Variants in ANO10 observed in about 807,000 individuals in gnomAD.
ANO10 encodes anoctamin-10.
Under a neutral mutation model 74.7 loss-of-function variants are expected in ANO10, and 77 were observed. The observed-to-expected ratio is 1.03, with a 90% confidence interval of 0.86 to 1.25. The LOEUF is 1.25. ANO10 is among the 50% of genes most tolerant of loss of function. The pLI is 0.00. For missense variants in ANO10, 721 were observed against 778.1 expected, an observed-to-expected ratio of 0.93 and a Z score of 0.87; for synonymous variants, 279 against 284.9, an observed-to-expected ratio of 0.98 and a Z score of 0.21.
intron 12 of ANO10, among the ~76,000 whole-genome samples, chr3:43,383,115 A>T (rs1230096062): frequency 6.6e-6 from 1 of 152,154 alleles, no homozygotes; most frequent in African/African-American, 2.4e-5. Context: ...AGATGCAAAA[A>T]TCCTCAACAA....
intron 11 of ANO10, among the ~76,000 whole-genome samples, chr3:43,434,758 G>A (rs1240564813): frequency 6.6e-6 from 1 of 152,206 alleles, no homozygotes; most frequent in Non-Finnish European, 1.5e-5. Flanking sequence ...AACAGAACAA[G>A]TAGGTAACAG....
intron 1 of ANO10, chr3:43,636,621 C>G (rs1190931359): frequency 6.6e-6 from 1 of 152,210 alleles, no homozygotes; most frequent in East Asian, 1.9e-4. Flanking sequence ...ACTTGTGTCT[C>G]ATTAACAGAC....
At chr3:43,671,356 G>A (rs1283263204) in intron 1 of ANO10, among the ~76,000 whole-genome samples, 4 of 152,042 alleles carry the variant, frequency 2.6e-5, no homozygotes, top group African/African-American at 7.3e-5. Flanking sequence ...TAAGCACACC[G>A]ACAAAAATAT....
Position 43,366,839 on chromosome 3 carries a change from T to A in ANO10, c.*67A>T. On this transcript the variant is annotated 3_prime_UTR_variant, in exon 13 of 13. Transcript: ENST00000292246. ...ACGATGCTGCCCCGGGTACCCCCCCTGCCACCGTGGCAGGTGTGGCACAGA... is the reference window on the plus strand; with the variant it reads ...ACGATGCTGCCCCGGGTACCCCCCCAGCCACCGTGGCAGGTGTGGCACAGA... 1 of 1,488,716 alleles carries A rather than the reference T, an allele frequency of 6.7e-7. No individual in the cohort carries two copies. Among genetic ancestry groups the A allele is most frequent in the Non-Finnish European group, 9.2e-7 (1 of 1,090,724 alleles). 92.2% of individuals were successfully genotyped at this position (1,488,716 alleles called of 1,614,324 possible).
At chr3:43,543,257 C>T (rs917286000) in intron 11 of ANO10, among the ~76,000 whole-genome samples, 1 of 152,152 alleles carries the variant, frequency 6.6e-6, no homozygotes, top group Non-Finnish European at 1.5e-5. Flanking sequence ...CTGTATAATG[C>T]TTGCAACTTT....
At chr3:43,606,596 T>G (rs79345354) in intron 1 of ANO10, among the ~76,000 whole-genome samples, 1 of 151,270 alleles carries the variant, frequency 6.6e-6, no homozygotes, top group Admixed American at 6.6e-5. Flanking sequence ...GAGGAAAGGA[T>G]AGCTCGGGGT....
At chr3:43,372,483 G>A (rs1207878052) in intron 12 of ANO10, among the ~76,000 whole-genome samples, 3 of 152,074 alleles carry the variant, frequency 2.0e-5, no homozygotes, top group Non-Finnish European at 2.9e-5. Flanking sequence ...CTGCTGCCCC[G>A]CAATCCAACC....
intron 11 of ANO10, among the ~76,000 whole-genome samples, chr3:43,498,936 G>A (rs1408446890): frequency 6.6e-6 from 1 of 152,144 alleles, no homozygotes; most frequent in Non-Finnish European, 1.5e-5. Context: ...TCTGCAATGC[G>A]ACAGTCTTGA....
intron 11 of ANO10, among the ~76,000 whole-genome samples, chr3:43,521,509 T>G (rs1252327446): frequency 6.6e-6 from 1 of 152,110 alleles, no homozygotes; most frequent in Non-Finnish European, 1.5e-5. Context: ...TTGAGACAAA[T>G]GATATAGTTG....
rs375631573 is a variant in ANO10, at chr3:43,578,197, G to C, written c.593-936C>G. On this transcript the variant is annotated intron_variant, in intron 5 of 12. Coordinates refer to ENST00000292246, the MANE Select transcript of ANO10 (RefSeq NM_018075.5). Reference sequence around the variant, plus strand: ...TCCTTAATTCTTCCCCCTAACCCAAGAGCAAATGAAAACAGTAGGTATGAT... The same window carrying C: ...TCCTTAATTCTTCCCCCTAACCCAACAGCAAATGAAAACAGTAGGTATGAT... Among the ~76,000 whole-genome samples, 20 of 152,244 alleles carry C rather than the reference G, an allele frequency of 1.3e-4. No homozygotes were observed. In the South Asian group the frequency reaches 2.3e-3, roughly 17 times the overall value.
At chr3:43,587,781 G>C (rs1308040107) in intron 4 of ANO10, among the ~76,000 whole-genome samples, 1 of 151,850 alleles carries the variant, frequency 6.6e-6, no homozygotes, top group African/African-American at 2.4e-5. Context: ...AAACGTTAAT[G>C]AGAAAAATTT....
intron 11 of ANO10, among the ~76,000 whole-genome samples, chr3:43,486,212 C>T (rs1049653483): frequency 6.6e-6 from 1 of 152,214 alleles, no homozygotes; most frequent in Non-Finnish European, 1.5e-5. Flanking sequence ...AGCTATGAGG[C>T]TTCATGTACA....
At chr3:43,432,769 CCATAT>C in intron 11 of ANO10, 42 bp from the exon 12 acceptor site, 3 of 1,217,934 alleles carry the variant, frequency 2.5e-6, no homozygotes, top group Non-Finnish European at 3.7e-6. Flanking sequence ...ATACATCAGA[CCATAT>C]ATGCAAGGAA....
At chr3:43,523,972 G>A (rs1469094916) in intron 11 of ANO10, among the ~76,000 whole-genome samples, 5 of 152,068 alleles carry the variant, frequency 3.3e-5, no homozygotes, top group African/African-American at 1.2e-4. Flanking sequence ...TGGAAGTCAT[G>A]GGGTAAACAA....
At chr3:43,427,770 A>G (rs1461849107) in intron 12 of ANO10, among the ~76,000 whole-genome samples, 1 of 152,210 alleles carries the variant, frequency 6.6e-6, no homozygotes, top group Non-Finnish European at 1.5e-5. Flanking sequence ...TGAGAAATCT[A>G]TTCTCCATCC....
intron 12 of ANO10, among the ~76,000 whole-genome samples, chr3:43,421,566 T>C (rs912002094): frequency 6.6e-6 from 1 of 152,036 alleles, no homozygotes; most frequent in Non-Finnish European, 1.5e-5. Flanking sequence ...GGCTCATACC[T>C]GTAATCCCAG....
intron 1 of ANO10, among the ~76,000 whole-genome samples, chr3:43,628,815 C>G (rs759361839): frequency 8.3e-4 from 126 of 152,234 alleles, no homozygotes; most frequent in Non-Finnish European, 1.5e-3. Context: ...GAAATTCCCA[C>G]CTAATAAATT....
chr3:43,639,537 G>T (rs2083650039), intron 1 of ANO10, among the ~76,000 whole-genome samples: 1 of 152,144 alleles, frequency 6.6e-6, no homozygotes, highest in South Asian at 2.1e-4. Context: ...GGCCGAGGTG[G>T]GCGGATCACG....
chr3:43,485,024 C>T, intron 11 of ANO10: 3 of 1,459,356 alleles, frequency 2.1e-6, no homozygotes, highest in Non-Finnish European at 2.8e-6. Context: ...GTGCTGACGG[C>T]TCAGGACCCG....
Sources: allele counts gnomAD v4.1 joint callset (sites outside exome capture counted in the v4.1 genomes callset), GRCh38; gene constraint gnomAD v4.1.1; transcripts MANE v1.5; gene names NCBI Gene and HGNC (gene_info 2026-07-23, HGNC 2026-07-21).